MOSPD3: variants seen among roughly 807,000 people sequenced by gnomAD.
The protein encoded by MOSPD3 is motile sperm domain containing 3, also known as motile sperm domain-containing protein 3.
In MOSPD3, 20 loss-of-function variants were observed where a neutral mutation model predicts 23.3. The ratio of observed to expected loss-of-function variants is 0.86; its 90% CI spans 0.61 to 1.25. The LOEUF (loss-of-function observed/expected upper bound fraction) is 1.25. Among genes scored for constraint, MOSPD3 ranks in the 50% most tolerant of loss-of-function variants. The probability of loss-of-function intolerance (pLI) is 0.00; values close to 1 mark genes in which losing one functional copy is unlikely to be tolerated. For synonymous variants in MOSPD3, 136 were observed against 135.2 expected (o/e 1.01, Z -0.04); for missense variants, 307 against 315.7 (o/e 0.97, Z 0.21).
intron 2 of MOSPD3, 33 bp from the exon 3 acceptor site, chr7:100,613,444 C>T: frequency 1.2e-6 from 2 of 1,606,424 alleles, no homozygotes; most frequent in Non-Finnish European, 1.7e-6. Context: ...GCCTCATTCA[C>T]CCCAATGGGC....
rs1336402498 is a variant in MOSPD3, at chr7:100,612,815, C to G, written c.24C>G (p.Asp8Glu). Residue 8 changes from aspartate (D) to glutamate (E), a missense_variant, in exon 1 of 5, where the codon GAC (aspartate) becomes GAG (glutamate). Physicochemically the swap from Asp to Glu is conservative, Grantham distance 45. Transcript: ENST00000393950. ...GCATGCGCCGTGGGGCGCCCCAGGA[C>G]CAGGAGCTGGTGGGTCCGGGGCCCC... The part of the protein sequence containing the change: MRRGAPQ[D>E]QELVGPGPPG... 6 of 1,600,122 alleles carry G rather than the reference C, an allele frequency of 3.7e-6. No homozygotes were observed. Among genetic ancestry groups the G allele is most frequent in the Non-Finnish European group, 5.1e-6 (6 of 1,175,736 alleles).
At position 100,612,875 on chromosome 7, in the gene MOSPD3, G is replaced by A; in HGVS notation, c.84G>A (p.Leu28=). 3 of 1,613,030 alleles carry A rather than the reference G, an allele frequency of 1.9e-6. No individual in the cohort carries two copies. The highest frequency in any genetic ancestry group is 2.5e-6 in the Non-Finnish European group (3 of 1,179,786). The change falls in exon 1 of 5, where the codon TTG becomes TTA. Residue 28 remains leucine, a synonymous_variant. Transcript: ENST00000393950. The part of the protein sequence containing the change: ...GRGSRGAPPP[L]GPVVPVLVFP... ...GGTCCCGGGGCGCCCCTCCTCCCTT[G>A]GGACCCGTTGTCCCGGTCCTGGTCT...
intron 3 of MOSPD3, 89 bp from the exon 4 acceptor site, chr7:100,614,778 G>T: frequency 1.5e-6 from 2 of 1,332,250 alleles, no homozygotes; most frequent in Non-Finnish European, 2.0e-6. Flanking sequence ...AAAAAAAGTA[G>T]ATACATCTTC....
At position 100,613,549 on chromosome 7, in the gene MOSPD3, G is replaced by A. The variant is rs145484365; in HGVS notation, c.354G>A (p.Glu118=). Residue 118 remains glutamate (E), a synonymous_variant, in exon 3 of 5, where the codon GAG becomes GAA. Coordinates refer to ENST00000393950, the MANE Select transcript of MOSPD3 (RefSeq NM_023948.5). ...ACCGCTTCCGCATTGAGCTGTCTGA[G>A]GAAGGAGCTGAGGGCCGAGTGGTGG... is the stretch of plus-strand genomic sequence containing the variant. ...VQDRFRIELS[E]EGAEGRVVGR... is the part of the protein sequence containing the mutation. The A allele has an allele frequency of 1.1e-5, 18 of 1,614,080 alleles. No homozygotes were observed. The highest frequency in any genetic ancestry group is 1.5e-5 in the Non-Finnish European group (18 of 1,180,042).
chr7:100,615,182 G>A lies in MOSPD3; in HGVS notation c.707G>A (p.Ter236=), dbSNP rs907729691. Residue 236 remains the stop codon, a stop_retained_variant, in exon 5 of 5, where the codon TGA becomes TAA. Transcript: ENST00000393950. ...CTCACCATGGTGTTCCTCCGGACCT[G>A]AGCTCCGTGCTCAACCCCCAGCCCA... The part of the protein sequence containing the change: ...GLLTMVFLRT[*] 1.2e-6 allele frequency: 2 copies of A among 1,613,790 alleles called. No individual in the cohort carries two copies. The highest frequency in any genetic ancestry group is 2.7e-5 in the African/African-American group (2 of 74,858).
chr7:100,613,777 A>G (rs1802910203), intron 3 of MOSPD3, 71 bp downstream of exon 3: 2 of 1,377,666 alleles, frequency 1.5e-6, no homozygotes, highest in Non-Finnish European at 2.0e-6. Flanking sequence ...AGATGAGATA[A>G]ATTGGATTTG....
Position 100,613,276 on chromosome 7 carries a change from G to A in MOSPD3, c.281+7G>A. 6.2e-7 allele frequency: 1 copy of A among 1,613,260 alleles called. No individual in the cohort carries two copies. Among genetic ancestry groups the A allele is most frequent in the Non-Finnish European group, 8.5e-7 (1 of 1,179,228 alleles). On this transcript the variant is annotated splice_region_variant and intron_variant, in intron 2 of 4. Coordinates refer to ENST00000393950, the MANE Select transcript of MOSPD3 (RefSeq NM_023948.5). ...CCCAGTCTTGCATTGACATGTGAGT[G>A]AGCTGGGAGGGTGGGGAGGCTTGTG...
chr7:100,613,134 C>T, intron 1 of MOSPD3, 60 bp from the exon 2 acceptor site: 5 of 1,592,690 alleles, frequency 3.1e-6, no homozygotes, highest in Non-Finnish European at 4.3e-6. Context: ...GGGCAGAAGG[C>T]AGAGGGGACT....
chr7:100,614,914 A>G lies in MOSPD3; in HGVS notation c.559A>G (p.Thr187Ala). The G allele has an allele frequency of 1.2e-6, 2 of 1,614,078 alleles. No individual in the cohort carries two copies. Among genetic ancestry groups the G allele is most frequent in the Admixed American group, 1.7e-5 (1 of 60,008 alleles). The change falls in exon 4 of 5, where the codon ACG (threonine) becomes GCG (alanine). Residue 187 changes from threonine (T) to alanine (A), a missense_variant. Physicochemically the swap from Thr to Ala is moderately conservative, Grantham distance 58. Transcript: ENST00000393950. ...ATSSFLLFLL[T>A]GIVSVAFLLL... ...CAGCTCCTTCCTCCTCTTCTTGCTG[A>G]CGGGGATTGTGTCTGTGGCCTTCCT...
chr7:100,613,193 G>C lies in MOSPD3; in HGVS notation c.206-1G>C. The stretch of plus-strand genomic sequence containing the variant: ...TGTCTGTGTGTGTCTCTATCCCCCA[G>C]TCCTGTGCACAGCACCTGCCAAATA... On this transcript the variant is annotated splice_acceptor_variant, in intron 1 of 4. Coordinates refer to ENST00000393950, the MANE Select transcript of MOSPD3 (RefSeq NM_023948.5). LOFTEE classifies it high-confidence loss of function. 1 of 1,614,092 alleles carries C rather than the reference G, an allele frequency of 6.2e-7. No individual in the cohort carries two copies. Among genetic ancestry groups the C allele is most frequent in the Non-Finnish European group, 8.5e-7 (1 of 1,179,972 alleles).
In MOSPD3 at chr7:100,613,658, G is replaced by A. The variant is rs1477303329; in HGVS notation, c.463G>A (p.Gly155Arg). The change falls in exon 3 of 5, where the codon GGG becomes AGG. Residue 155 changes from glycine to arginine, a missense_variant. Transcript: ENST00000393950. The part of the protein sequence containing the change: ...QGQPDPAPRP[G>R]PPAGTPPPTA... The stretch of plus-strand genomic sequence containing the variant: ...ACAGCCAGATCCAGCGCCTCGCCCA[G>A]GGCCTCCTGCTGGGACACCACCACC... 1 of 1,613,724 alleles carries A rather than the reference G, an allele frequency of 6.2e-7. No individual in the cohort carries two copies. Among genetic ancestry groups the A allele is most frequent in the Non-Finnish European group, 8.5e-7 (1 of 1,180,032 alleles).
At position 100,615,244 on chromosome 7, in the gene MOSPD3, T is replaced by G. The variant is rs1186622589; in HGVS notation, c.*61T>G. 5 of 1,350,368 alleles carry G rather than the reference T, an allele frequency of 3.7e-6. No homozygotes were observed. Among genetic ancestry groups the G allele is most frequent in the Non-Finnish European group, 5.0e-6 (5 of 997,734 alleles). 83.6% of individuals were successfully genotyped at this position (1,350,368 alleles called of 1,614,324 possible). A position where few individuals can be genotyped will look rare whatever the true frequency, so the allele number is the denominator to read the frequency against. On this transcript the variant is annotated 3_prime_UTR_variant, in exon 5 of 5. Coordinates refer to ENST00000393950, the MANE Select transcript of MOSPD3 (RefSeq NM_023948.5). The stretch of plus-strand genomic sequence containing the variant: ...CTGGGCAGGGTCTTGAGGCAGCCAC[T>G]GTGATGCTCATACCTTACCTTGCCT...
At chr7:100,613,298 T>A in intron 2 of MOSPD3, 29 bp downstream of exon 2, 1 of 1,604,770 alleles carries the variant, frequency 6.2e-7, no homozygotes, top group East Asian at 2.2e-5. Context: ...TGGGGAGGCT[T>A]GTGGAAGCCA....
At chr7:100,613,347 GC>G in intron 2 of MOSPD3, 78 bp downstream of exon 2, 2 of 1,550,724 alleles carry the variant, frequency 1.3e-6, no homozygotes, top group Non-Finnish European at 1.8e-6. Flanking sequence ...CTGAGACCTT[GC>G]CCCCTTTAAC....
chr7:100,613,062 G>C (rs1214500566), intron 1 of MOSPD3, 66 bp downstream of exon 1: 1 of 1,595,096 alleles, frequency 6.3e-7, no homozygotes, highest in African/African-American at 1.3e-5. Context: ...GGCTGGAGGA[G>C]TCAGATGGGT....
At position 100,612,749 on chromosome 7, in the gene MOSPD3, C is replaced by A. The variant is rs905968671; in HGVS notation, c.-43C>A. 6.7e-6 allele frequency: 10 copies of A among 1,483,108 alleles called. No homozygotes were observed. Among genetic ancestry groups the A allele is most frequent in the Non-Finnish European group, 9.1e-6 (10 of 1,102,104 alleles). The allele number at this position is 1,483,108 out of a possible 1,614,324, so 91.9% of individuals were successfully genotyped here. Reference sequence around the variant, plus strand: ...CCCCAGCTCTGACTCCAGGCCCTGTCCCCTGAGCTCTGCCCTCGGATGTCC... The same window carrying A: ...CCCCAGCTCTGACTCCAGGCCCTGTACCCTGAGCTCTGCCCTCGGATGTCC... On this transcript the variant is annotated 5_prime_UTR_variant, in exon 1 of 5. Transcript: ENST00000393950.
rs1045901147 is a variant in MOSPD3 at position 100,612,713 on chromosome 7, C to T, written c.-79C>T. 12 of 1,151,550 alleles carry T rather than the reference C, an allele frequency of 1.0e-5. No individual in the cohort carries two copies. Among genetic ancestry groups the T allele is most frequent in the Non-Finnish European group, 1.5e-5 (12 of 815,490 alleles). 71.3% of individuals were successfully genotyped at this position (1,151,550 alleles called of 1,614,324 possible). ...CGGGAGCTCATCTTGTCCCCTTTCG[C>T]CCCTCACGCCCCCCAGCTCTGACTC... On this transcript the variant is annotated 5_prime_UTR_variant, in exon 1 of 5. Coordinates refer to ENST00000393950, the MANE Select transcript of MOSPD3 (RefSeq NM_023948.5).
rs560300971 is a variant in MOSPD3 at position 100,615,098 on chromosome 7, A to T, written c.677-54A>T. 3 of 1,614,176 alleles carry T rather than the reference A, an allele frequency of 1.9e-6. No individual in the cohort carries two copies. In the East Asian group the frequency reaches 6.7e-5, roughly 36 times the overall value. On this transcript the variant is annotated intron_variant, in intron 4 of 4. Coordinates refer to ENST00000393950, the MANE Select transcript of MOSPD3 (RefSeq NM_023948.5). ...GGGAGAAGGGACGGGAGGAGAGCTA[A>T]CAGAGCCCCAGGGCTGCCCATGCGA...
intron 4 of MOSPD3, 53 bp from the exon 5 acceptor site, chr7:100,615,099 C>T (rs1802958133): frequency 6.2e-7 from 1 of 1,614,072 alleles, no homozygotes. Context: ...GGAGAGCTAA[C>T]AGAGCCCCAG....
Sources: allele counts gnomAD v4.1 joint callset, GRCh38; gene constraint gnomAD v4.1.1; transcripts MANE v1.5; gene names NCBI Gene and HGNC (gene_info 2026-07-23, HGNC 2026-07-21).